The following STIMATE variants were observed in gnomAD, a reference collection of about 807,000 sequenced individuals.
The protein encoded by STIMATE is STIM activating enhancer.
In STIMATE, 15 loss-of-function variants were observed where a neutral mutation model predicts 36.7. That is an observed-to-expected ratio of 0.41 (90% CI 0.27 to 0.63). The LOEUF is 0.63. Ranked by LOEUF, STIMATE falls within the 20% of genes least tolerant of loss-of-function variation. STIMATE has a pLI of 0.32. For synonymous variants in STIMATE, 163 were observed against 162.3 expected, an observed-to-expected ratio of 1.00 and a Z score of -0.03; for missense variants, 305 against 397.3, an observed-to-expected ratio of 0.77 and a Z score of 1.98.
intron 1 of STIMATE, among the ~76,000 whole-genome samples, chr3:52,861,712 C>T (rs1191626187): frequency 1.3e-5 from 2 of 152,128 alleles, no homozygotes; most frequent in Admixed American, 6.5e-5. Flanking sequence ...GTCCGTTTTC[C>T]CCACTCCCGG....
At chr3:52,881,867 G>T (rs2106720304) in intron 1 of STIMATE, among the ~76,000 whole-genome samples, 1 of 152,332 alleles carries the variant, frequency 6.6e-6, no homozygotes, top group Middle Eastern at 3.4e-3. Context: ...ATAGTTACTT[G>T]TTCAAGTGGT....
rs1575331141 is a variant in STIMATE at position 52,855,461 on chromosome 3, A to G, written c.161-17T>C. 2 of 1,614,112 alleles carry G rather than the reference A, an allele frequency of 1.2e-6. No homozygotes were observed. Among genetic ancestry groups the G allele is most frequent in the Non-Finnish European group, 1.7e-6 (2 of 1,179,988 alleles). ...AGCGTTTGACTGAAAGAAAAGACAG[A>G]CATCAGTAGTTTTCCAAAGAAGTTA... On this transcript the variant is annotated splice_polypyrimidine_tract_variant and intron_variant, in intron 1 of 7. Transcript: ENST00000355083.
intron 1 of STIMATE, among the ~76,000 whole-genome samples, chr3:52,881,521 G>A (rs1701605016): frequency 6.6e-6 from 1 of 152,040 alleles, no homozygotes; most frequent in East Asian, 1.9e-4. Context: ...TGGCTAACAA[G>A]GTGAAACCCC....
intron 1 of STIMATE, among the ~76,000 whole-genome samples, chr3:52,867,468 G>A (rs926696676): frequency 1.3e-5 from 2 of 152,212 alleles, no homozygotes; most frequent in Non-Finnish European, 2.9e-5. Context: ...GAGCTCATAC[G>A]CCATAAGCCT....
intron 1 of STIMATE, among the ~76,000 whole-genome samples, chr3:52,868,139 C>G (rs190725375): frequency 2.0e-5 from 3 of 152,354 alleles, no homozygotes; most frequent in Admixed American, 2.0e-4. Context: ...CTCAAACCTC[C>G]TCAATGCCCT....
At chr3:52,890,059 G>A (rs1043362038) in intron 1 of STIMATE, among the ~76,000 whole-genome samples, 107 of 152,230 alleles carry the variant, frequency 7.0e-4, no homozygotes, top group African/African-American at 2.5e-3. Flanking sequence ...CCTTAGCCTG[G>A]TGCTCAGGTG....
intron 1 of STIMATE, among the ~76,000 whole-genome samples, chr3:52,862,891 A>AG (rs541731290): frequency 0.029 from 4,484 of 152,214 alleles, 223 homozygotes; most frequent in African/African-American, 0.1. Context: ...ATAGAGACAG[A>AG]AGGGGAAGAG....
At chr3:52,867,545 C>T (rs1422915620) in intron 1 of STIMATE, among the ~76,000 whole-genome samples, 1 of 152,240 alleles carries the variant, frequency 6.6e-6, no homozygotes, top group African/African-American at 2.4e-5. Context: ...GGCAGAAACA[C>T]ACCCATAGTT....
chr3:52,880,882 C>T (rs1701591670), intron 1 of STIMATE, among the ~76,000 whole-genome samples: 3 of 152,178 alleles, frequency 2.0e-5, no homozygotes, highest in Admixed American at 2.0e-4. Flanking sequence ...CTCAGATTTC[C>T]TACCAGTTAA....
intron 1 of STIMATE, among the ~76,000 whole-genome samples, chr3:52,876,316 CCAGCATCAGGACTGATGGAGCCT>C (rs1382728098): frequency 6.6e-5 from 10 of 152,188 alleles, no homozygotes; most frequent in African/African-American, 2.4e-4. Context: ...CAGCAAGGCA[CCAGCATCAGGACTGATGGAGCCT>C]GGTCCCTTGA....
chr3:52,845,931 G>C (rs1365389300), intron 4 of STIMATE, among the ~76,000 whole-genome samples: 2 of 98,156 alleles, frequency 2.0e-5, no homozygotes. Context: ...TAGCATTTTG[G>C]GGGTGGCGGG....
At chr3:52,880,634 T>C (rs1271136023) in intron 1 of STIMATE, among the ~76,000 whole-genome samples, 1 of 152,040 alleles carries the variant, frequency 6.6e-6, no homozygotes, top group Non-Finnish European at 1.5e-5. Context: ...CTGGTACCTT[T>C]GAAAGGGCTC....
intron 1 of STIMATE, among the ~76,000 whole-genome samples, chr3:52,895,158 A>C (rs1011040768): frequency 1.3e-5 from 2 of 152,180 alleles, no homozygotes; most frequent in Admixed American, 1.3e-4. Flanking sequence ...CTTCCACCTT[A>C]GAGATTTCTT....
At chr3:52,855,326 C>A in intron 2 of STIMATE, 70 bp downstream of exon 2, 2 of 1,567,188 alleles carry the variant, frequency 1.3e-6, no homozygotes, top group East Asian at 2.3e-5. Flanking sequence ...ACACCATACC[C>A]CACCCCCAGC....
At position 52,865,231 on chromosome 3, in the gene STIMATE, C is replaced by T. The variant is rs149115322; in HGVS notation, c.161-9787G>A. ...AAGTGCTGGGATTACAAGCGTGAGC[C>T]ACGGTGCCCGACTGCCATTCAACAA... is the stretch of plus-strand genomic sequence containing the variant. On this transcript the variant is annotated intron_variant, in intron 1 of 7. Transcript: ENST00000355083. Among the ~76,000 whole-genome samples, 252 of 152,310 alleles carry T rather than the reference C, an allele frequency of 1.7e-3. 1 individual carries two copies. Among genetic ancestry groups the T allele is most frequent in the African/African-American group, 5.8e-3 (243 of 41,564 alleles).
At chr3:52,892,732 T>C (rs1489144741) in intron 1 of STIMATE, among the ~76,000 whole-genome samples, 1 of 152,230 alleles carries the variant, frequency 6.6e-6, no homozygotes, top group Non-Finnish European at 1.5e-5. Context: ...GGGGAAGATG[T>C]ACCTTTACGA....
At chr3:52,889,944 T>A (rs1398754685) in intron 1 of STIMATE, among the ~76,000 whole-genome samples, 4 of 152,212 alleles carry the variant, frequency 2.6e-5, no homozygotes, top group African/African-American at 9.6e-5. Flanking sequence ...GGAAAGCCTC[T>A]GAATACACTG....
intron 1 of STIMATE, among the ~76,000 whole-genome samples, chr3:52,891,509 CA>C (rs1575352745): frequency 6.6e-6 from 1 of 152,212 alleles, no homozygotes; most frequent in East Asian, 1.9e-4. Context: ...CAGCCCCAGG[CA>C]CCCACTGCCC....
At chr3:52,882,887 A>T (rs577794753) in intron 1 of STIMATE, among the ~76,000 whole-genome samples, 14 of 152,274 alleles carry the variant, frequency 9.2e-5, no homozygotes, top group Non-Finnish European at 1.8e-4. Flanking sequence ...AAGGCATCAT[A>T]AACAGGGGAC....
Sources: gnomAD v4.1 joint callset for allele counts (sites outside exome capture counted in the v4.1 genomes callset) on GRCh38, gnomAD v4.1.1 for gene constraint, MANE v1.5 for transcripts, NCBI Gene and HGNC (gene_info 2026-07-23, HGNC 2026-07-21) for gene names.